Variants in SYT1 observed in about 807,000 individuals in gnomAD.
The protein encoded by SYT1 is synaptotagmin-1.
A neutral mutation model predicts 44.8 loss-of-function variants in SYT1; 8 were observed. That is an observed-to-expected ratio of 0.18 (90% CI 0.10 to 0.32). The LOEUF (loss-of-function observed/expected upper bound fraction) is 0.32. SYT1 is among the 10% of genes least tolerant of loss of function. The pLI is 1.00. For synonymous variants in SYT1, 154 were observed against 188.8 expected (o/e 0.82, Z 1.51); for missense variants, 286 against 509.3 (o/e 0.56, Z 4.22).
chr12:79,169,247 A>C (rs1469469475), intron 3 of SYT1, among the ~76,000 whole-genome samples: 1 of 152,052 alleles, frequency 6.6e-6, no homozygotes, highest in Non-Finnish European at 1.5e-5. Flanking sequence ...AAGAATAGTT[A>C]GCAAAGCAGC....
chr12:79,185,259 G>T (rs1432678515), intron 3 of SYT1, among the ~76,000 whole-genome samples: 1 of 152,074 alleles, frequency 6.6e-6, no homozygotes, highest in Non-Finnish European at 1.5e-5. Flanking sequence ...TTATTAAAAT[G>T]AAATTAAATG....
chr12:79,044,877 G>A (rs201061389), intron 2 of SYT1, among the ~76,000 whole-genome samples: 3 of 151,776 alleles, frequency 2.0e-5, no homozygotes, highest in South Asian at 2.1e-4. Flanking sequence ...GTCTGTTGGA[G>A]TACGCTGCCG....
intron 1 of SYT1, among the ~76,000 whole-genome samples, chr12:78,973,948 TATATA>T (rs1868618930): frequency 8.4e-5 from 1 of 11,856 alleles, no homozygotes; most frequent in African/African-American, 4.1e-4. Flanking sequence ...AATATATATA[TATATA>T]TATATATATA....
intron 2 of SYT1, among the ~76,000 whole-genome samples, chr12:79,024,756 A>T (rs529658226): frequency 5.3e-5 from 8 of 151,930 alleles, no homozygotes; most frequent in African/African-American, 1.7e-4. Flanking sequence ...ATGTTTTGGT[A>T]TATCTGACAT....
chr12:79,351,461 C>G (rs1475848886), intron 8 of SYT1, among the ~76,000 whole-genome samples: 1 of 151,072 alleles, frequency 6.6e-6, no homozygotes, highest in Non-Finnish European at 1.5e-5. Context: ...CTAATTAGAA[C>G]AGTTAGAGTA....
intron 9 of SYT1, among the ~76,000 whole-genome samples, chr12:79,426,439 C>T (rs905734307): frequency 2.0e-5 from 3 of 152,042 alleles, no homozygotes; most frequent in African/African-American, 7.2e-5. Flanking sequence ...ATTAGATAAA[C>T]TTGCTTTGTG....
intron 1 of SYT1, among the ~76,000 whole-genome samples, chr12:78,916,971 C>T (rs922699583): frequency 2.6e-5 from 4 of 151,908 alleles, no homozygotes; most frequent in African/African-American, 4.8e-5. Flanking sequence ...AGAAAATTCT[C>T]GCCCAGGCTG....
chr12:78,961,957 T>C (rs1054989472), intron 1 of SYT1, among the ~76,000 whole-genome samples: 4 of 152,184 alleles, frequency 2.6e-5, no homozygotes, highest in African/African-American at 9.7e-5. Context: ...ATTCTTACAA[T>C]TTTTTAATGT....
chr12:79,414,671 A>G (rs920647144), intron 9 of SYT1, among the ~76,000 whole-genome samples: 2 of 152,174 alleles, frequency 1.3e-5, no homozygotes, highest in Admixed American at 6.5e-5. Flanking sequence ...TCTTCTTGGC[A>G]TCAACTGCCT....
At chr12:79,201,026 T>G (rs79175925) in intron 3 of SYT1, among the ~76,000 whole-genome samples, 2,253 of 152,264 alleles carry the variant, frequency 0.015, 39 homozygotes, top group African/African-American at 0.045. Context: ...CATGGAGCCA[T>G]CCTTTGATCA....
intron 5 of SYT1, among the ~76,000 whole-genome samples, chr12:79,291,189 A>G (rs1050222537): frequency 2.6e-5 from 4 of 152,242 alleles, no homozygotes; most frequent in African/African-American, 9.6e-5. Context: ...GTTTTAGGTT[A>G]TAAAGAGTAT....
At chr12:79,301,913 G>A (rs558790304) in intron 8 of SYT1, among the ~76,000 whole-genome samples, 55 of 152,268 alleles carry the variant, frequency 3.6e-4, no homozygotes, top group African/African-American at 1.3e-3. Flanking sequence ...TAAGACAGAT[G>A]TCTAGCTTAC....
intron 1 of SYT1, among the ~76,000 whole-genome samples, chr12:78,884,829 T>G (rs1249526915): frequency 1.3e-5 from 2 of 151,978 alleles, no homozygotes; most frequent in East Asian, 3.9e-4. Context: ...GGAATCTGTC[T>G]GAAGAAATAT....
At chr12:79,417,177 C>T (rs1868793860) in intron 9 of SYT1, among the ~76,000 whole-genome samples, 3 of 152,118 alleles carry the variant, frequency 2.0e-5, no homozygotes, top group Admixed American at 1.3e-4. Context: ...GTGTCTTCCT[C>T]CTAATCATAT....
intron 9 of SYT1, among the ~76,000 whole-genome samples, chr12:79,370,955 T>C (rs1883761542): frequency 6.6e-6 from 1 of 152,062 alleles, no homozygotes; most frequent in Non-Finnish European, 1.5e-5. Flanking sequence ...AGCACATCTA[T>C]TAAAGACAAA....
chr12:78,981,743 T>C (rs2137441527), intron 2 of SYT1, among the ~76,000 whole-genome samples: 1 of 152,324 alleles, frequency 6.6e-6, no homozygotes, highest in South Asian at 2.1e-4. Flanking sequence ...GTTCATTTAA[T>C]TTATGAAATA....
At chr12:79,255,659 A>G (rs1356170195) in intron 4 of SYT1, among the ~76,000 whole-genome samples, 1 of 152,238 alleles carries the variant, frequency 6.6e-6, no homozygotes, top group East Asian at 1.9e-4. Context: ...AAAGTAAGGA[A>G]GAAGAATGTC....
intron 1 of SYT1, among the ~76,000 whole-genome samples, chr12:78,914,118 T>C (rs2137137485): frequency 6.6e-6 from 1 of 151,772 alleles, no homozygotes; most frequent in African/African-American, 2.4e-5. Context: ...TAATTATTCT[T>C]TTGATCACCT....
intron 3 of SYT1, among the ~76,000 whole-genome samples, chr12:79,062,658 A>G (rs1875477157): frequency 6.6e-6 from 1 of 152,198 alleles, no homozygotes; most frequent in South Asian, 2.1e-4. Context: ...ATATAAAGTC[A>G]CAGGTGTTTT....
Sources: allele counts gnomAD v4.1 joint callset (sites outside exome capture counted in the v4.1 genomes callset), GRCh38; gene constraint gnomAD v4.1.1; transcripts MANE v1.5; gene names NCBI Gene and HGNC (gene_info 2026-07-23, HGNC 2026-07-21).